C1orf21: variants seen among roughly 807,000 people sequenced by gnomAD.
The protein encoded by C1orf21 is uncharacterized protein C1orf21.
Under a neutral mutation model 18.7 loss-of-function variants are expected in C1orf21, and 3 were observed. The ratio of observed to expected loss-of-function variants is 0.16; its 90% CI spans 0.07 to 0.42. The LOEUF is 0.42. Among genes scored for constraint, C1orf21 ranks in the 10% least tolerant of loss-of-function variants. C1orf21 has a pLI of 0.99. For missense variants in C1orf21, 104 were observed against 143.6 expected (o/e 0.72, Z 1.41); for synonymous variants, 41 against 46.4 (o/e 0.88, Z 0.47).
intron 1 of C1orf21, among the ~76,000 whole-genome samples, chr1:184,444,045 AT>A (rs1370003055): frequency 3.9e-5 from 6 of 152,176 alleles, no homozygotes; most frequent in Non-Finnish European, 1.5e-5. Context: ...AATGCCTTTC[AT>A]TTCAATTTGT....
chr1:184,582,045 TG>T (rs770008634), intron 3 of C1orf21, among the ~76,000 whole-genome samples: 3 of 152,234 alleles, frequency 2.0e-5, no homozygotes, highest in South Asian at 2.1e-4. Flanking sequence ...TTGAGTTAAT[TG>T]TTGAATCTGG....
intron 1 of C1orf21, among the ~76,000 whole-genome samples, chr1:184,415,461 G>T (rs1656434679): frequency 6.6e-6 from 1 of 152,118 alleles, no homozygotes; most frequent in African/African-American, 2.4e-5. Context: ...CCTGAAATTT[G>T]CTTATTTTGC....
intron 5 of C1orf21, among the ~76,000 whole-genome samples, chr1:184,604,697 A>G (rs1659626717): frequency 6.6e-6 from 1 of 152,212 alleles, no homozygotes; most frequent in Non-Finnish European, 1.5e-5. Flanking sequence ...CTTAATTGTC[A>G]TGATGATGAC....
chr1:184,471,675 C>A (rs1245360131), intron 1 of C1orf21, among the ~76,000 whole-genome samples: 3 of 152,110 alleles, frequency 2.0e-5, no homozygotes, highest in Non-Finnish European at 1.5e-5. Context: ...CTGAATCTAG[C>A]AGAAATGTGT....
At chr1:184,459,164 A>G (rs192113146) in intron 1 of C1orf21, among the ~76,000 whole-genome samples, 1 of 152,288 alleles carries the variant, frequency 6.6e-6, no homozygotes, top group Admixed American at 6.5e-5. Context: ...AGCCTCTACC[A>G]TCTTTACTAG....
chr1:184,397,635 T>C (rs1656082862), intron 1 of C1orf21, among the ~76,000 whole-genome samples: 1 of 152,204 alleles, frequency 6.6e-6, no homozygotes, highest in South Asian at 2.1e-4. Flanking sequence ...TAATATTATG[T>C]ATTAGCTTAT....
Position 184,507,585 on chromosome 1 carries a change from C to T in C1orf21, c.95-3C>T. On this transcript the variant is annotated splice_polypyrimidine_tract_variant and splice_region_variant and intron_variant, in intron 2 of 5. Transcript: ENST00000235307. ...AAATGTGTTTTCTTTTTTTGGCACTCAGATGAGTATAGGATCAAACCAGTG... is the reference window on the plus strand; with the variant it reads ...AAATGTGTTTTCTTTTTTTGGCACTTAGATGAGTATAGGATCAAACCAGTG... The T allele has an allele frequency of 6.3e-7, 1 of 1,578,802 alleles. No individual in the cohort carries two copies. The highest frequency in any genetic ancestry group is 8.6e-7 in the Non-Finnish European group (1 of 1,169,062).
intron 1 of C1orf21, among the ~76,000 whole-genome samples, chr1:184,405,994 T>G (rs1487981230): frequency 6.6e-6 from 1 of 152,232 alleles, no homozygotes; most frequent in Non-Finnish European, 1.5e-5. Flanking sequence ...TATATCTTCC[T>G]TCTATTTTCA....
intron 3 of C1orf21, among the ~76,000 whole-genome samples, chr1:184,528,605 C>T (rs551605339): frequency 9.2e-5 from 14 of 152,074 alleles, no homozygotes; most frequent in South Asian, 6.2e-4. Flanking sequence ...CTACCACGCC[C>T]GGCTAATTTT....
In C1orf21 at chr1:184,596,169, C is replaced by T. The variant is rs1007602642; in HGVS notation, c.267-2232C>T. On this transcript the variant is annotated intron_variant, in intron 4 of 5. Transcript: ENST00000235307. ...CCTCTCATGTGCATGTGTATGAGTACTGACCAAACGTTGCAGTTTTCATGT... is the reference window on the plus strand; with the variant it reads ...CCTCTCATGTGCATGTGTATGAGTATTGACCAAACGTTGCAGTTTTCATGT... Among the ~76,000 whole-genome samples the T allele has an allele frequency of 1.1e-4, 16 of 152,244 alleles. 1 individual carries two copies. Among genetic ancestry groups the T allele is most frequent in the African/African-American group, 3.6e-4 (15 of 41,558 alleles).
At chr1:184,616,769 G>A (rs989765310) in intron 5 of C1orf21, among the ~76,000 whole-genome samples, 5 of 151,770 alleles carry the variant, frequency 3.3e-5, no homozygotes, top group East Asian at 3.9e-4. Context: ...TTCCTTCCAC[G>A]TTCTTCCTCA....
intron 3 of C1orf21, among the ~76,000 whole-genome samples, chr1:184,558,370 T>A (rs910274948): frequency 1.3e-5 from 2 of 152,234 alleles, no homozygotes; most frequent in Admixed American, 6.5e-5. Context: ...ACATTTGATC[T>A]TGACAAGGTG....
At chr1:184,389,048 G>C (rs146084735) in intron 1 of C1orf21, among the ~76,000 whole-genome samples, 7 of 152,318 alleles carry the variant, frequency 4.6e-5, no homozygotes, top group African/African-American at 1.7e-4. Context: ...GGAAGTACCA[G>C]TGATAGGACA....
chr1:184,564,297 A>G (rs944905030), intron 3 of C1orf21, among the ~76,000 whole-genome samples: 12 of 152,072 alleles, frequency 7.9e-5, no homozygotes, highest in Admixed American at 1.3e-4. Context: ...AATAATAATA[A>G]TTCTCCTTAT....
intron 3 of C1orf21, among the ~76,000 whole-genome samples, chr1:184,520,492 A>T (rs531882654): frequency 6.6e-6 from 1 of 152,202 alleles, no homozygotes; most frequent in African/African-American, 2.4e-5. Context: ...ATGAGGCACA[A>T]TGAAACCTAA....
At chr1:184,536,180 C>T (rs1355712420) in intron 3 of C1orf21, among the ~76,000 whole-genome samples, 1 of 152,184 alleles carries the variant, frequency 6.6e-6, no homozygotes, top group Non-Finnish European at 1.5e-5. Context: ...TCAGTTTCTT[C>T]ATTTTAAAGT....
chr1:184,414,688 C>T (rs1298956901), intron 1 of C1orf21, among the ~76,000 whole-genome samples: 3 of 151,802 alleles, frequency 2.0e-5, no homozygotes, highest in Non-Finnish European at 4.4e-5. Flanking sequence ...GTTCAAATTC[C>T]ATGGTCTATT....
intron 3 of C1orf21, among the ~76,000 whole-genome samples, chr1:184,520,428 A>G (rs1030079035): frequency 1.3e-5 from 2 of 152,242 alleles, no homozygotes; most frequent in Non-Finnish European, 2.9e-5. Context: ...AAGATTCATT[A>G]TTAGCACATG....
chr1:184,416,191 G>A (rs886737991), intron 1 of C1orf21, among the ~76,000 whole-genome samples: 10 of 151,762 alleles, frequency 6.6e-5, no homozygotes, highest in African/African-American at 2.4e-4. Context: ...TGTTTTTTTT[G>A]GATGAGTGCT....
Sources: gnomAD v4.1 joint callset for allele counts (sites outside exome capture counted in the v4.1 genomes callset) on GRCh38, gnomAD v4.1.1 for gene constraint, MANE v1.5 for transcripts, NCBI Gene and HGNC (gene_info 2026-07-23, HGNC 2026-07-21) for gene names.